Variants in MGST1 observed in about 807,000 individuals in gnomAD.
The protein encoded by MGST1 is microsomal glutathione S-transferase 1.
MGST1 carries 5 observed loss-of-function variants against 8.9 expected under a neutral mutation model. The observed-to-expected ratio is 0.56, with a 90% CI of 0.29 to 1.19. The LOEUF (loss-of-function observed/expected upper bound fraction) is 1.19, where lower values mean the gene tolerates loss of function less well. Among genes scored for constraint, MGST1 ranks in the 50% most tolerant of loss-of-function variants. The pLI is 0.08. For synonymous variants in MGST1, 54 were observed against 67.8 expected (o/e 0.80, Z 1.00); for missense variants, 182 against 187.4 (o/e 0.97, Z 0.17).
intron 2 of MGST1, 160 bp downstream of exon 2, chr12:16,354,538 A>G: frequency 1.7e-6 from 1 of 577,418 alleles, no homozygotes; most frequent in Non-Finnish European, 2.8e-6. Context: ...GATCTGATGT[A>G]TTTATGGAAC....
intron 4 of MGST1, among the ~76,000 whole-genome samples, chr12:16,583,777 T>C (rs1194697471): frequency 6.6e-6 from 1 of 152,170 alleles, no homozygotes; most frequent in African/African-American, 2.4e-5. Flanking sequence ...AAAATTGAGC[T>C]AGCACAGGCA....
At chr12:16,514,032 A>G (rs571323829) in intron 4 of MGST1, 4 of 413,048 alleles carry the variant, frequency 9.7e-6, no homozygotes, top group South Asian at 9.1e-5. Context: ...ATAATCCCAC[A>G]GGAGTGGACC....
downstream of MGST1, among the ~76,000 whole-genome samples, chr12:16,364,980 T>A (rs1940157868): frequency 6.6e-6 from 1 of 152,178 alleles, no homozygotes; most frequent in African/African-American, 2.4e-5. This position sits in a 1 kb window ranked among gnomAD's most constrained non-coding sequence, Gnocchi z 5.7. Flanking sequence ...ATTCTTAGAT[T>A]CAGATTAAAC....
At chr12:16,578,665 A>G (rs1943066713) in intron 4 of MGST1, among the ~76,000 whole-genome samples, 1 of 152,058 alleles carries the variant, frequency 6.6e-6, no homozygotes, top group South Asian at 2.1e-4. Flanking sequence ...TAAAAATACA[A>G]AAATTAGCCA....
downstream of MGST1, among the ~76,000 whole-genome samples, chr12:16,590,085 T>C (rs2137610727): frequency 6.6e-6 from 1 of 152,230 alleles, no homozygotes; most frequent in South Asian, 2.1e-4. Context: ...TAAATATACA[T>C]GCAAGCTCGA....
At chr12:16,391,926 C>T (rs1940557205) in intron 1 of MGST1, among the ~76,000 whole-genome samples, 1 of 152,074 alleles carries the variant, frequency 6.6e-6, no homozygotes, top group Non-Finnish European at 1.5e-5. Flanking sequence ...TTGTATGTGG[C>T]ATGAGGAAGG....
At chr12:16,493,358 A>G (rs1359436355) in intron 4 of MGST1, among the ~76,000 whole-genome samples, 2 of 152,096 alleles carry the variant, frequency 1.3e-5, no homozygotes, top group African/African-American at 4.8e-5. Flanking sequence ...TCTCTGTAGC[A>G]GCAGCATTAA....
Position 16,547,201 on chromosome 12 carries a change from G to C in MGST1, n.483-42327G>C, listed in dbSNP as rs948928484. On this transcript the variant is annotated intron_variant and non_coding_transcript_variant, in intron 4 of 4. Coordinates refer to the MGST1 transcript ENST00000538857. The surrounding 1 kb of genome is among the most constrained non-coding windows in gnomAD (Gnocchi z 4.6). Reference sequence around the variant, plus strand: ...GATACTAATCACACAATTACCTACAGGCATGTGTTAAACTTGACACTGGTT... The same window carrying C: ...GATACTAATCACACAATTACCTACACGCATGTGTTAAACTTGACACTGGTT... Among the ~76,000 whole-genome samples, 2 of 152,036 alleles carry C rather than the reference G, an allele frequency of 1.3e-5. No individual in the cohort carries two copies. The highest frequency in any genetic ancestry group is 2.9e-5 in the Non-Finnish European group (2 of 68,008).
At chr12:16,349,799 C>T (rs1939379238) in intron 1 of MGST1, among the ~76,000 whole-genome samples, 1 of 145,344 alleles carries the variant, frequency 6.9e-6, no homozygotes, top group African/African-American at 2.6e-5. Flanking sequence ...GGCTGGAGTG[C>T]AGTGGCACGA....
At chr12:16,375,699 T>C (rs1251539134) in intron 3 of MGST1, among the ~76,000 whole-genome samples, 1 of 151,998 alleles carries the variant, frequency 6.6e-6, no homozygotes. Flanking sequence ...GTAGAAACTC[T>C]GTACTACTGA....
intron 4 of MGST1, among the ~76,000 whole-genome samples, chr12:16,507,106 G>T (rs1342222536): frequency 1.3e-5 from 2 of 152,182 alleles, no homozygotes; most frequent in Non-Finnish European, 2.9e-5. Flanking sequence ...GAGTAGGGAG[G>T]CTTCCTAAAA....
chr12:16,347,123 C>T (rs1227807024), upstream of MGST1: 1 of 152,150 alleles, frequency 6.6e-6, no homozygotes, highest in African/African-American at 2.4e-5. This position sits in a 1 kb window ranked among gnomAD's most constrained non-coding sequence, Gnocchi z 4.0. Flanking sequence ...TCATTCTGGA[C>T]CCTGAACAGG....
At chr12:16,445,006 T>A (rs1329273433) in intron 4 of MGST1, among the ~76,000 whole-genome samples, 2 of 151,836 alleles carry the variant, frequency 1.3e-5, no homozygotes, top group Non-Finnish European at 2.9e-5. Context: ...TGTCATAAAA[T>A]CCATACTGTA....
downstream of MGST1, among the ~76,000 whole-genome samples, chr12:16,442,345 T>A (rs1021023479): frequency 5.3e-5 from 8 of 151,834 alleles, no homozygotes; most frequent in Non-Finnish European, 1.2e-4. The surrounding 1 kb of genome is among the most constrained non-coding windows in gnomAD (Gnocchi z 4.5). Context: ...ATTATTTCTT[T>A]CATGAATCGT....
rs897921942 is a variant in MGST1, at chr12:16,559,660, A to G, written n.483-29868A>G. On this transcript the variant is annotated intron_variant and non_coding_transcript_variant, in intron 4 of 4. Coordinates refer to the MGST1 transcript ENST00000538857. The surrounding 1 kb of genome is among the most constrained non-coding windows in gnomAD (Gnocchi z 4.1). ...GACAGGGTTAAAATTTAAGGTAAAC[A>G]GCTAGATTGGGTGGGGGTGGTGGCT... is the stretch of plus-strand genomic sequence containing the variant. Among the ~76,000 whole-genome samples, 2 of 152,132 alleles carry G rather than the reference A, an allele frequency of 1.3e-5. No homozygotes were observed. Among genetic ancestry groups the G allele is most frequent in the African/African-American group, 4.8e-5 (2 of 41,432 alleles).
chr12:16,455,759 G>T (rs1473328124), intron 4 of MGST1, among the ~76,000 whole-genome samples: 1 of 151,676 alleles, frequency 6.6e-6, no homozygotes, highest in Non-Finnish European at 1.5e-5. Flanking sequence ...ATTTATAATG[G>T]CCATGAAACC....
At chr12:16,426,999 CAG>C (rs896795937) in intron 1 of MGST1, among the ~76,000 whole-genome samples, 4 of 144,416 alleles carry the variant, frequency 2.8e-5, no homozygotes, top group South Asian at 2.2e-4. Context: ...CTGAACAAAA[CAG>C]AATTATATTC....
Position 16,540,867 on chromosome 12 carries a change from G to A in MGST1, n.483-48661G>A, listed in dbSNP as rs969714927. On this transcript the variant is annotated intron_variant and non_coding_transcript_variant, in intron 4 of 4. Transcript: ENST00000538857. The stretch of plus-strand genomic sequence containing the variant: ...GGAGGTTGCAGCAAGCCGAGACAGC[G>A]CCACTGCACTCTAGCCTGAGTAACA... 2.6e-5 allele frequency among the ~76,000 whole-genome samples: 4 copies of A among 152,124 alleles called. No individual in the cohort carries two copies. The South Asian group carries it at 6.2e-4, about 24-fold the overall frequency.
At chr12:16,381,778 C>G (rs1940455656), downstream of MGST1, among the ~76,000 whole-genome samples, 1 of 152,206 alleles carries the variant, frequency 6.6e-6, no homozygotes, top group Non-Finnish European at 1.5e-5. Context: ...GTACACCAAT[C>G]AGATGTAGAT....
Sources: allele counts gnomAD v4.1 joint callset (sites outside exome capture counted in the v4.1 genomes callset), GRCh38; gene constraint gnomAD v4.1.1; non-coding constraint Gnocchi (gnomAD v3.1); transcripts MANE v1.5; gene names NCBI Gene and HGNC (gene_info 2026-07-23, HGNC 2026-07-21).